The following FRMD3 variants were observed in gnomAD, a reference collection of about 807,000 sequenced individuals.
The protein encoded by FRMD3 is FERM domain containing 3.
In FRMD3, 33 loss-of-function variants were observed where a neutral mutation model predicts 70.2. The ratio of observed to expected loss-of-function variants is 0.47; its 90% CI spans 0.36 to 0.63. The LOEUF is 0.63. Ranked by LOEUF, FRMD3 falls within the 20% of genes least tolerant of loss-of-function variation. The probability of loss-of-function intolerance (pLI) is 0.00; values close to 1 mark genes in which losing one functional copy is unlikely to be tolerated. For missense variants in FRMD3, 632 were observed against 711.4 expected (o/e 0.89, Z 1.27); for synonymous variants, 279 against 255.9 (o/e 1.09, Z -0.86).
In FRMD3 at chr9:83,245,900, A is replaced by G. The variant is rs1302131487; in HGVS notation, c.*2018T>C. 8 of 982,984 alleles carry G rather than the reference A, an allele frequency of 8.1e-6. No individual in the cohort carries two copies. In the Admixed American group the frequency reaches 1.8e-4, roughly 23 times the overall value. The allele number at this position is 982,984 out of a possible 1,614,324, so 60.9% of individuals were successfully genotyped here. ...CCAAAATAAATTGTTGAGGATTCCA[A>G]TCACAGAAAATATATTCCTAAATCA... On this transcript the variant is annotated 3_prime_UTR_variant, in exon 14 of 14. Transcript: ENST00000304195.
rs576167041 is a variant in FRMD3 at position 83,313,536 on chromosome 9, A to G, written c.684+124T>C. 63 of 739,254 alleles carry G rather than the reference A, an allele frequency of 8.5e-5. 1 individual carries two copies. In the South Asian group the frequency reaches 1.0e-3, roughly 12 times the overall value. 45.8% of individuals were successfully genotyped at this position (739,254 alleles called of 1,614,324 possible). ...ACAGCAGCCCACTGTTGTCCCTTCC[A>G]ATGAGGGACCGTGGGCCAAGCTGTG... On this transcript the variant is annotated intron_variant, in intron 7 of 13. Coordinates refer to ENST00000304195, the MANE Select transcript of FRMD3 (RefSeq NM_174938.6).
chr9:83,290,093 G>T (rs1834362237), intron 13 of FRMD3, among the ~76,000 whole-genome samples: 1 of 152,122 alleles, frequency 6.6e-6, no homozygotes, highest in Non-Finnish European at 1.5e-5. Flanking sequence ...AGATACTTGT[G>T]GAGAACTCTT....
At chr9:83,275,189 TGGAGGTCAGGATCACGGAGA>T (rs1563988676) in intron 13 of FRMD3, among the ~76,000 whole-genome samples, 3 of 152,202 alleles carry the variant, frequency 2.0e-5, no homozygotes, top group Non-Finnish European at 2.9e-5. Flanking sequence ...GCCGTCGGCA[TGGAGGTCAGGATCACGGAGA>T]GGAGGTCAGG....
At chr9:83,313,555 A>G (rs12375992) in intron 7 of FRMD3, 105 bp downstream of exon 7, 147,363 of 880,096 alleles carry the variant, frequency 0.17, 13,099 homozygotes, top group African/African-American at 0.22. Flanking sequence ...CCGTGGGCCA[A>G]GCTGTGGGAA....
chr9:83,449,122 T>C (rs1167446653), intron 1 of FRMD3, among the ~76,000 whole-genome samples: 2 of 152,124 alleles, frequency 1.3e-5, no homozygotes, highest in African/African-American at 2.4e-5. Context: ...CCAGGGATGA[T>C]ATTCAAAATA....
At chr9:83,471,987 G>T (rs1291501890) in intron 1 of FRMD3, among the ~76,000 whole-genome samples, 2 of 152,148 alleles carry the variant, frequency 1.3e-5, no homozygotes, top group African/African-American at 4.8e-5. Context: ...GTTTGAATGT[G>T]AGAATACAAG....
At chr9:83,442,007 G>A (rs988269390) in intron 1 of FRMD3, among the ~76,000 whole-genome samples, 13 of 152,108 alleles carry the variant, frequency 8.5e-5, no homozygotes, top group African/African-American at 2.9e-4. Context: ...ACAGCATAAA[G>A]AACGTGCGCA....
chr9:83,358,192 T>G (rs934084745), intron 3 of FRMD3, among the ~76,000 whole-genome samples: 2 of 152,336 alleles, frequency 1.3e-5, no homozygotes, highest in African/African-American at 4.8e-5. Context: ...GAACAGGGTG[T>G]CCTTTCCCCA....
chr9:83,384,122 T>C (rs1825440770), intron 2 of FRMD3, among the ~76,000 whole-genome samples: 2 of 152,232 alleles, frequency 1.3e-5, no homozygotes, highest in South Asian at 2.1e-4. Flanking sequence ...TACTTGTACC[T>C]GTCTGCCCCT....
chr9:83,354,112 G>A (rs1824260349), intron 3 of FRMD3, among the ~76,000 whole-genome samples: 1 of 152,074 alleles, frequency 6.6e-6, no homozygotes, highest in African/African-American at 2.4e-5. Flanking sequence ...TTTTAGTAGA[G>A]ACAGGGTTTC....
intron 1 of FRMD3, among the ~76,000 whole-genome samples, chr9:83,484,712 C>G (rs7025284): frequency 0.42 from 63,620 of 152,094 alleles, 13,984 homozygotes; most frequent in Non-Finnish European, 0.49. Flanking sequence ...GCCACTGTGC[C>G]CAGCCTGTGT....
intron 6 of FRMD3, among the ~76,000 whole-genome samples, chr9:83,328,157 C>A (rs1052562068): frequency 3.3e-5 from 5 of 149,952 alleles, no homozygotes; most frequent in African/African-American, 1.2e-4. Context: ...AAGTTAATTT[C>A]TCAGAACTCT....
chr9:83,580,239 G>T, the FRMD3 span, among the ~76,000 whole-genome samples: 2 of 152,034 alleles, frequency 1.3e-5, no homozygotes, highest in Admixed American at 1.3e-4. Flanking sequence ...GCTCAAAAAA[G>T]TAAAAGTAGA....
intron 3 of FRMD3, among the ~76,000 whole-genome samples, chr9:83,361,051 G>A (rs1489124731): frequency 2.6e-5 from 4 of 152,206 alleles, no homozygotes; most frequent in Admixed American, 2.6e-4. Flanking sequence ...GCAAACAGGT[G>A]TCCAACGCTG....
intron 3 of FRMD3, chr9:83,350,847 T>C (rs1181295436): frequency 1.7e-6 from 1 of 592,088 alleles, no homozygotes; most frequent in Non-Finnish European, 2.1e-6. Flanking sequence ...TCTTCCATTA[T>C]AAGATCACTA....
chr9:83,449,798 G>A (rs1306339492), intron 1 of FRMD3, among the ~76,000 whole-genome samples: 1 of 152,112 alleles, frequency 6.6e-6, no homozygotes, highest in Non-Finnish European at 1.5e-5. Flanking sequence ...ATTGAAAGTT[G>A]GACTGAGGGT....
In FRMD3 at chr9:83,331,705, C is replaced by T. The variant is rs1247915381; in HGVS notation, c.596+3811G>A. 6.2e-6 allele frequency: 4 copies of T among 640,814 alleles called. No homozygotes were observed. The Admixed American group carries it at 1.0e-4, about 17-fold the overall frequency. The allele number at this position is 640,814 out of a possible 1,614,324, so 39.7% of individuals were successfully genotyped here. Reference sequence around the variant, plus strand: ...TGTGGGAAAGGGGTATAGAGGAAATCTCTGTGCCTTCCTTTCAATTTTGCT... The same window carrying T: ...TGTGGGAAAGGGGTATAGAGGAAATTTCTGTGCCTTCCTTTCAATTTTGCT... On this transcript the variant is annotated intron_variant, in intron 6 of 13. Coordinates refer to ENST00000304195, the MANE Select transcript of FRMD3 (RefSeq NM_174938.6).
At chr9:83,548,172 T>A in the FRMD3 span, among the ~76,000 whole-genome samples, 1 of 152,168 alleles carries the variant, frequency 6.6e-6, no homozygotes. Flanking sequence ...TAGTTTCTTA[T>A]GAAACTAAAC....
rs1296058028 is a variant in FRMD3 at position 83,537,382 on chromosome 9, C to T, written c.147+703G>A. Reference sequence around the variant, plus strand: ...AGGTTCCTGCAGGGCTCCCCACTTGCTGGCCTCACAATCCCTTTTCCTTTC... The same window carrying T: ...AGGTTCCTGCAGGGCTCCCCACTTGTTGGCCTCACAATCCCTTTTCCTTTC... On this transcript the variant is annotated intron_variant, in intron 1 of 13. Coordinates refer to ENST00000304195, the MANE Select transcript of FRMD3 (RefSeq NM_174938.6). The surrounding 1 kb of genome is among the most constrained non-coding windows in gnomAD (Gnocchi z 4.1). Among the ~76,000 whole-genome samples, 1 of 152,230 alleles carries T rather than the reference C, an allele frequency of 6.6e-6. No individual in the cohort carries two copies. The highest frequency in any genetic ancestry group is 1.9e-4 in the East Asian group (1 of 5,188).
Sources: gnomAD v4.1 joint callset for allele counts (sites outside exome capture counted in the v4.1 genomes callset) on GRCh38, gnomAD v4.1.1 for gene constraint, Gnocchi (gnomAD v3.1) non-coding constraint, MANE v1.5 for transcripts, NCBI Gene and HGNC (gene_info 2026-07-23, HGNC 2026-07-21) for gene names.